Variants in ARHGEF7 observed in about 807,000 individuals in gnomAD.
The protein encoded by ARHGEF7 is PAK-interacting exchange factor beta.
Under a neutral mutation model 109.8 loss-of-function variants are expected in ARHGEF7, and 33 were observed. That is an observed-to-expected ratio of 0.30 (90% CI 0.23 to 0.40). ARHGEF7 has a LOEUF of 0.40. Among genes scored for constraint, ARHGEF7 ranks in the 10% least tolerant of loss-of-function variants. The pLI is 1.00. For synonymous variants in ARHGEF7, 458 were observed against 424.6 expected (o/e 1.08, Z -0.97); for missense variants, 938 against 1,098.5 (o/e 0.85, Z 2.07).
At position 111,217,552 on chromosome 13, in the gene ARHGEF7, A is replaced by G. The variant is rs577051273; in HGVS notation, c.469-127A>G. ...GGGCACTGGAAGGGAGGAAACTGAAATTTCTCTAAATGTATTTCTACTGTT... is the reference window on the plus strand; with the variant it reads ...GGGCACTGGAAGGGAGGAAACTGAAGTTTCTCTAAATGTATTTCTACTGTT... On this transcript the variant is annotated intron_variant, in intron 4 of 21. Transcript: ENST00000646102. The G allele has an allele frequency of 4.7e-5, 43 of 913,912 alleles. No individual in the cohort carries two copies. The South Asian group carries it at 7.1e-4, about 15-fold the overall frequency. The allele number at this position is 913,912 out of a possible 1,614,324, so 56.6% of individuals were successfully genotyped here. A position where few individuals can be genotyped will look rare whatever the true frequency, so the allele number is the denominator to read the frequency against.
At chr13:111,116,680 G>C (rs1336667249) in intron 1 of ARHGEF7, 1 of 152,176 alleles carries the variant, frequency 6.6e-6, no homozygotes, top group South Asian at 2.1e-4. Context: ...CAGTTTTTAA[G>C]TGGGGTGTAT....
chr13:111,276,892 C>A (rs1291307996), intron 12 of ARHGEF7, among the ~76,000 whole-genome samples: 1 of 152,042 alleles, frequency 6.6e-6, no homozygotes, highest in Non-Finnish European at 1.5e-5. Context: ...ATTTTTTTGT[C>A]TCTTTTTGGA....
At chr13:111,196,305 T>C (rs1025697699) in intron 2 of ARHGEF7, among the ~76,000 whole-genome samples, 1 of 152,246 alleles carries the variant, frequency 6.6e-6, no homozygotes, top group South Asian at 2.1e-4. Context: ...TGCTGACCGG[T>C]AGGGAATTTG....
chr13:111,302,997 A>G lies in ARHGEF7; in HGVS notation c.2473A>G (p.Lys825Glu). ...DEVQELRQDNKKMKKSLEEEQ... is the reference protein window; with the variant it reads ...DEVQELRQDNEKMKKSLEEEQ... ...TGGTCTGCTTAATTTACAGGACAAC[A>G]AAAAGATGAAGAAATCTCTAGAGGA... Residue 825 changes from lysine (K) to glutamate (E), a missense_variant, in exon 22 of 22, where the codon AAA becomes GAA. This residue lies in a region of ARHGEF7 where 166 missense variants were observed against 167.3 expected (regional missense o/e 0.99). Coordinates refer to ENST00000646102, the MANE Select transcript of ARHGEF7 (RefSeq NM_001354046.2). The G allele has an allele frequency of 5.6e-6, 9 of 1,614,112 alleles. No homozygotes were observed. Among genetic ancestry groups the G allele is most frequent in the African/African-American group, 1.3e-5 (1 of 75,054 alleles).
At chr13:111,149,850 GA>G (rs1271050042) in intron 1 of ARHGEF7, among the ~76,000 whole-genome samples, 4 of 152,118 alleles carry the variant, frequency 2.6e-5, no homozygotes, top group African/African-American at 4.8e-5. Context: ...ATAAAGTCCT[GA>G]AAAAAGCATT....
chr13:111,242,216 G>T (rs548101845), intron 6 of ARHGEF7, among the ~76,000 whole-genome samples: 4 of 151,716 alleles, frequency 2.6e-5, no homozygotes, highest in African/African-American at 9.7e-5. Flanking sequence ...AAGAGCCTCT[G>T]TTTTTTTTCG....
At chr13:111,216,782 C>T (rs1011393671) in intron 4 of ARHGEF7, among the ~76,000 whole-genome samples, 7 of 152,184 alleles carry the variant, frequency 4.6e-5, no homozygotes, top group Non-Finnish European at 7.3e-5. Flanking sequence ...TGTGCCGGCA[C>T]GAGCAGGCTT....
chr13:111,292,913 G>A (rs1279145190), intron 19 of ARHGEF7: 66 of 987,170 alleles, frequency 6.7e-5, no homozygotes, highest in Non-Finnish European at 7.6e-5. Flanking sequence ...ACGGGCGGGC[G>A]TCACGTGTGT....
At chr13:111,302,823 G>A (rs954043242) in intron 21 of ARHGEF7, among the ~76,000 whole-genome samples, 168 bp from the exon 22 acceptor site, 1 of 152,188 alleles carries the variant, frequency 6.6e-6, no homozygotes, top group African/African-American at 2.4e-5. Context: ...CTGCCACCCT[G>A]TCCAGGTGTT....
intron 9 of ARHGEF7, among the ~76,000 whole-genome samples, chr13:111,270,569 T>C (rs1431087439): frequency 6.6e-6 from 1 of 152,228 alleles, no homozygotes; most frequent in Non-Finnish European, 1.5e-5. Context: ...TTCACTTTTT[T>C]GGCTTCTGGG....
At position 111,205,275 on chromosome 13, in the gene ARHGEF7, AT is replaced by A; in HGVS notation, c.253-9del. ...AGACTCTACTAATTTTGCTTGTTTA[AT>A]TTTTCCTTTCAGACGTTTGATGCAA... On this transcript the variant is annotated splice_polypyrimidine_tract_variant and intron_variant, in intron 2 of 21. Transcript: ENST00000646102. 1 of 1,593,614 alleles carries A rather than the reference AT, an allele frequency of 6.3e-7. No individual in the cohort carries two copies. Among genetic ancestry groups the A allele is most frequent in the Admixed American group, 1.9e-5 (1 of 53,002 alleles).
intron 2 of ARHGEF7, among the ~76,000 whole-genome samples, chr13:111,164,850 C>T (rs1046909894): frequency 2.0e-5 from 3 of 152,224 alleles, no homozygotes; most frequent in African/African-American, 7.2e-5. Context: ...GTACTTCCTC[C>T]TGATAGGAAG....
chr13:111,124,558 G>T (rs2067429972), intron 1 of ARHGEF7, among the ~76,000 whole-genome samples: 1 of 152,196 alleles, frequency 6.6e-6, no homozygotes, highest in African/African-American at 2.4e-5. Context: ...GATGGCAAGA[G>T]GGGTGGCCAG....
chr13:111,179,189 G>T (rs570698875), intron 2 of ARHGEF7, among the ~76,000 whole-genome samples: 1 of 151,610 alleles, frequency 6.6e-6, no homozygotes, highest in Non-Finnish European at 1.5e-5. Context: ...AGCGATTCTC[G>T]TGCCTCAGCC....
intron 2 of ARHGEF7, chr13:111,186,736 TTCTC>T: frequency 1.2e-6 from 1 of 814,530 alleles, no homozygotes; most frequent in Non-Finnish European, 1.5e-6. Context: ...AAGAATAACT[TTCTC>T]AAGTTCCTGG....
At chr13:111,274,065 A>C (rs1595424526) in intron 10 of ARHGEF7, 113 bp downstream of exon 10, 2 of 1,283,320 alleles carry the variant, frequency 1.6e-6, no homozygotes, top group Non-Finnish European at 2.1e-6. Context: ...CAGAACCAAC[A>C]GAGTTTACAA....
chr13:111,203,213 G>A (rs2081388253), intron 2 of ARHGEF7: 9 of 710,626 alleles, frequency 1.3e-5, no homozygotes, highest in Non-Finnish European at 1.8e-5. Flanking sequence ...GATTAGATCT[G>A]TAGAGCTGAA....
At chr13:111,177,063 C>T (rs975233100) in intron 2 of ARHGEF7, among the ~76,000 whole-genome samples, 1 of 152,216 alleles carries the variant, frequency 6.6e-6, no homozygotes, top group East Asian at 1.9e-4. Context: ...GGCTGACTGA[C>T]TTATTTTATA....
chr13:111,120,692 T>C (rs1469673758), intron 1 of ARHGEF7, among the ~76,000 whole-genome samples: 1 of 152,202 alleles, frequency 6.6e-6, no homozygotes, highest in African/African-American at 2.4e-5. Context: ...AGAATCTGCC[T>C]GCTCGCCTCC....
Sources: gnomAD v4.1 joint callset for allele counts (sites outside exome capture counted in the v4.1 genomes callset) on GRCh38, gnomAD v4.1.1 for gene constraint, gnomAD v4.1.1 regional missense constraint, MANE v1.5 for transcripts, NCBI Gene and HGNC (gene_info 2026-07-23, HGNC 2026-07-21) for gene names.